PKNOX1: variants seen among roughly 807,000 people sequenced by gnomAD.
PKNOX1 encodes the protein homeobox protein PKNOX1.
Under a neutral mutation model 51.9 loss-of-function variants are expected in PKNOX1, and 15 were observed. The observed-to-expected ratio is 0.29, with a 90% CI of 0.19 to 0.45. The LOEUF (loss-of-function observed/expected upper bound fraction) is 0.45. Ranked by LOEUF, PKNOX1 falls within the 20% of genes least tolerant of loss-of-function variation. The pLI, the probability that PKNOX1 is intolerant of heterozygous loss-of-function variation, is 1.00. For missense variants in PKNOX1, 462 were observed against 547.5 expected (o/e 0.84, Z 1.56); for synonymous variants, 219 against 211.1 (o/e 1.04, Z -0.32).
At chr21:43,003,055 C>G (rs752762884) in intron 1 of PKNOX1, among the ~76,000 whole-genome samples, 1 of 152,196 alleles carries the variant, frequency 6.6e-6, no homozygotes, top group Non-Finnish European at 1.5e-5. Context: ...GGACGGTAGT[C>G]CTTCTGCATC....
At chr21:42,987,402 A>AT (rs1386575562) in intron 1 of PKNOX1, among the ~76,000 whole-genome samples, 258 of 62,340 alleles carry the variant, frequency 4.1e-3, no homozygotes, top group East Asian at 7.9e-3. Flanking sequence ...AAAAAAAAAA[A>AT]AAATATATAT....
intron 1 of PKNOX1, among the ~76,000 whole-genome samples, chr21:42,974,881 G>T (rs1236413109): frequency 6.8e-6 from 1 of 147,838 alleles, no homozygotes. Context: ...ACCCGCGGGG[G>T]AGGGGGCGCC....
At chr21:42,987,267 A>G (rs1229669985) in intron 1 of PKNOX1, among the ~76,000 whole-genome samples, 1 of 150,416 alleles carries the variant, frequency 6.6e-6, no homozygotes, top group Non-Finnish European at 1.5e-5. Flanking sequence ...CTGTAATCCC[A>G]GCTACTCGGG....
At chr21:43,023,762 G>A (rs549127704) in intron 8 of PKNOX1, among the ~76,000 whole-genome samples, 10 of 151,996 alleles carry the variant, frequency 6.6e-5, no homozygotes, top group South Asian at 6.2e-4. Flanking sequence ...CTACAGGTGT[G>A]TGCCACCATG....
At chr21:42,975,753 G>A (rs2058993214) in intron 1 of PKNOX1, among the ~76,000 whole-genome samples, 1 of 152,248 alleles carries the variant, frequency 6.6e-6, no homozygotes, top group Admixed American at 6.5e-5. Context: ...GCCCTGGGGG[G>A]TGTTCCACCT....
intron 2 of PKNOX1, among the ~76,000 whole-genome samples, chr21:43,005,645 C>T (rs1010530624): frequency 3.9e-5 from 6 of 151,926 alleles, no homozygotes; most frequent in Non-Finnish European, 7.4e-5. Flanking sequence ...CTCTGTGGCC[C>T]GAATCGTCTG....
chr21:43,016,876 A>G, intron 5 of PKNOX1, 32 bp from the exon 6 acceptor site: 1 of 1,407,370 alleles, frequency 7.1e-7, no homozygotes, highest in Non-Finnish European at 9.9e-7. Context: ...GTTTTCTAGT[A>G]ATTCCTTCAA....
intron 1 of PKNOX1, among the ~76,000 whole-genome samples, chr21:42,983,673 C>A (rs2059037572): frequency 1.3e-5 from 2 of 152,130 alleles, no homozygotes; most frequent in Admixed American, 1.3e-4. Flanking sequence ...CTGGATCATA[C>A]TGGAATTCTG....
chr21:42,981,439 C>T (rs1018784794), intron 1 of PKNOX1, among the ~76,000 whole-genome samples: 6 of 152,248 alleles, frequency 3.9e-5, no homozygotes, highest in East Asian at 1.9e-4. Context: ...ATTCAGTCAA[C>T]GTGTTGTCTG....
At chr21:42,992,826 A>G (rs1393529468) in intron 1 of PKNOX1, among the ~76,000 whole-genome samples, 1 of 119,514 alleles carries the variant, frequency 8.4e-6, no homozygotes, top group East Asian at 2.8e-4. Context: ...CCTCACAGCA[A>G]TGGGGGCCTT....
chr21:42,993,699 A>G (rs1227762819), intron 1 of PKNOX1, among the ~76,000 whole-genome samples: 1 of 103,658 alleles, frequency 9.6e-6, no homozygotes, highest in African/African-American at 3.6e-5. Context: ...TTTGTAGTAT[A>G]TTTTAAAATT....
chr21:43,004,724 C>G (rs1978914154), intron 2 of PKNOX1, among the ~76,000 whole-genome samples: 1 of 152,054 alleles, frequency 6.6e-6, no homozygotes. Flanking sequence ...GAAAGAAAAC[C>G]CGGTTGATTT....
chr21:42,998,380 GC>G (rs1978602661), intron 1 of PKNOX1, among the ~76,000 whole-genome samples: 2 of 152,102 alleles, frequency 1.3e-5, no homozygotes, highest in Non-Finnish European at 2.9e-5. Flanking sequence ...TGGGGACACA[GC>G]CAACCATATC....
Position 43,013,118 on chromosome 21 carries a change from G to T in PKNOX1, c.402G>T (p.Lys134Asn). 1 of 1,613,460 alleles carries T rather than the reference G, an allele frequency of 6.2e-7. No homozygotes were observed. Among genetic ancestry groups the T allele is most frequent in the Non-Finnish European group, 8.5e-7 (1 of 1,179,576 alleles). Residue 134 changes from lysine to asparagine, a missense_variant, in exon 5 of 11, where the codon AAG (lysine) becomes AAT (asparagine). Physicochemically the swap from Lys to Asn is moderately conservative, Grantham distance 94. Transcript: ENST00000291547. ...VLRIHLLELE[K>N]VNELCKDFCS... ...GCATTCATCTTCTTGAGCTGGAAAA[G>T]GTTAACGAACTCTGCAAAGATTTCT...
At chr21:43,016,518 G>A (rs371216586) in intron 5 of PKNOX1, among the ~76,000 whole-genome samples, 4 of 152,176 alleles carry the variant, frequency 2.6e-5, no homozygotes, top group East Asian at 1.9e-4. Flanking sequence ...TGCTCTTATC[G>A]GTCAGGGAGA....
intron 7 of PKNOX1, chr21:43,020,410 G>A (rs1276069003): frequency 6.6e-6 from 1 of 152,298 alleles, no homozygotes; most frequent in Non-Finnish European, 1.5e-5. Context: ...GCCAGGGCCT[G>A]GAGCACGGCC....
intron 1 of PKNOX1, among the ~76,000 whole-genome samples, chr21:42,985,707 A>G (rs2146229542): frequency 1.3e-5 from 2 of 151,948 alleles, no homozygotes; most frequent in Admixed American, 1.3e-4. Context: ...GTCTGTTAAA[A>G]CAAATTGCAG....
intron 1 of PKNOX1, among the ~76,000 whole-genome samples, chr21:42,988,439 T>C (rs1048563982): frequency 2.6e-5 from 4 of 152,190 alleles, no homozygotes; most frequent in African/African-American, 9.7e-5. Flanking sequence ...GAAAAACACA[T>C]GGGGATTTGG....
chr21:43,022,143 C>T (rs935820903), intron 8 of PKNOX1, among the ~76,000 whole-genome samples: 6 of 152,212 alleles, frequency 3.9e-5, no homozygotes, highest in Non-Finnish European at 7.3e-5. Context: ...TGGCTTGGCC[C>T]TAAGTTTGCC....
Sources: allele counts gnomAD v4.1 joint callset (sites outside exome capture counted in the v4.1 genomes callset), GRCh38; gene constraint gnomAD v4.1.1; transcripts MANE v1.5; gene names NCBI Gene and HGNC (gene_info 2026-07-23, HGNC 2026-07-21).